SP100: variants seen among roughly 807,000 people sequenced by gnomAD.
The protein encoded by SP100 is SP100 nuclear body protein.
SP100 carries 84 observed loss-of-function variants against 130.0 expected under a neutral mutation model. The ratio of observed to expected loss-of-function variants is 0.65; its 90% CI spans 0.54 to 0.77. The LOEUF is 0.77. Among genes scored for constraint, SP100 ranks in the 30% least tolerant of loss-of-function variants. SP100 has a pLI of 0.00. For synonymous variants in SP100, 331 were observed against 351.7 expected (o/e 0.94, Z 0.66); for missense variants, 978 against 1,052.2 (o/e 0.93, Z 0.97).
At chr2:230,504,899 G>T (rs894351825) in intron 21 of SP100, among the ~76,000 whole-genome samples, 1 of 152,088 alleles carries the variant, frequency 6.6e-6, no homozygotes, top group Non-Finnish European at 1.5e-5. Flanking sequence ...CTTTGGATAG[G>T]CTATCTCAAA....
At chr2:230,496,713 A>T (rs774981286) in intron 18 of SP100, among the ~76,000 whole-genome samples, 2 of 152,088 alleles carry the variant, frequency 1.3e-5, no homozygotes, top group African/African-American at 4.8e-5. Flanking sequence ...AGTTCCCCTA[A>T]TTCAGGAACT....
At chr2:230,425,794 G>A (rs1485997392) in intron 2 of SP100, among the ~76,000 whole-genome samples, 1 of 145,266 alleles carries the variant, frequency 6.9e-6, no homozygotes, top group East Asian at 1.9e-4. Flanking sequence ...ACTGTTCCTT[G>A]CTCTTAATTT....
At chr2:230,531,136 A>G (rs1335321283) in intron 24 of SP100, among the ~76,000 whole-genome samples, 1 of 152,234 alleles carries the variant, frequency 6.6e-6, no homozygotes, top group Non-Finnish European at 1.5e-5. Context: ...TTACTGCAAC[A>G]CTATTCACAA....
chr2:230,466,992 G>A (rs539948304), intron 12 of SP100, 128 bp from the exon 13 acceptor site: 19 of 649,254 alleles, frequency 2.9e-5, no homozygotes, highest in Middle Eastern at 4.0e-4. Context: ...TTTGAGGCAC[G>A]GACATTCTTG....
intron 2 of SP100, among the ~76,000 whole-genome samples, chr2:230,418,068 C>T (rs2062663278): frequency 6.6e-6 from 1 of 152,174 alleles, no homozygotes; most frequent in Non-Finnish European, 1.5e-5. Context: ...TTCGCTGCTA[C>T]CGCTATTCCA....
At chr2:230,517,335 CA>C (rs915729292) in intron 24 of SP100, among the ~76,000 whole-genome samples, 2 of 151,930 alleles carry the variant, frequency 1.3e-5, no homozygotes, top group African/African-American at 4.8e-5. Flanking sequence ...TTCATTTAAC[CA>C]GAGTTATAAT....
At chr2:230,449,749 AG>A in intron 7 of SP100, 39 bp downstream of exon 7, 1 of 1,610,824 alleles carries the variant, frequency 6.2e-7, no homozygotes, top group South Asian at 1.1e-5. Context: ...GGAGGAGCCA[AG>A]GGGCCCTGGC....
At chr2:230,525,468 C>G (rs1691377415) in intron 24 of SP100, among the ~76,000 whole-genome samples, 1 of 152,092 alleles carries the variant, frequency 6.6e-6, no homozygotes, top group South Asian at 2.1e-4. Flanking sequence ...ACAGGAAGAG[C>G]TCCGGTCTGC....
In SP100 at chr2:230,467,981, A is replaced by G. The variant is rs572897209; in HGVS notation, c.1291+766A>G. 2.4e-4 allele frequency among the ~76,000 whole-genome samples: 37 copies of G among 152,342 alleles called. 1 individual carries two copies. The South Asian group carries it at 7.5e-3, about 31-fold the overall frequency. ...CTCCTGTTTCTTACCATCAGATTCAATTCATAGCTTTTGACAGATGGCCCC... is the reference window on the plus strand; with the variant it reads ...CTCCTGTTTCTTACCATCAGATTCAGTTCATAGCTTTTGACAGATGGCCCC... On this transcript the variant is annotated intron_variant, in intron 13 of 28. Transcript: ENST00000340126.
chr2:230,504,283 C>T lies in SP100; in HGVS notation c.1863C>T (p.Phe621=), dbSNP rs1373900403. 1 of 1,585,558 alleles carries T rather than the reference C, an allele frequency of 6.3e-7. No individual in the cohort carries two copies. Among genetic ancestry groups the T allele is most frequent in the African/African-American group, 1.3e-5 (1 of 74,266 alleles). The stretch of plus-strand genomic sequence containing the variant: ...AGGGCACTCTATATAAGGAGCGATT[C>T]AAACAAGGTGAGTTTACTGGTCCAT... The part of the protein sequence containing the change: ...EVKGTLYKER[F]KQGTSKKCIQ... Residue 621 remains phenylalanine (F), a synonymous_variant, in exon 21 of 29, where the codon TTC becomes TTT. Transcript: ENST00000340126.
intron 2 of SP100, among the ~76,000 whole-genome samples, chr2:230,423,379 GT>G (rs893775929): frequency 1.3e-5 from 2 of 151,902 alleles, no homozygotes; most frequent in African/African-American, 4.8e-5. Context: ...GTTTATTATT[GT>G]TTTTTCCTTT....
At chr2:230,429,524 A>C (rs1053657748) in intron 2 of SP100, among the ~76,000 whole-genome samples, 2 of 152,146 alleles carry the variant, frequency 1.3e-5, no homozygotes, top group African/African-American at 4.8e-5. Context: ...TCCAGCCATT[A>C]CTTCTCTAAA....
chr2:230,446,854 GAAGAA>G lies in SP100; in HGVS notation c.476_480del (p.Glu159GlyfsTer13). 8 of 1,612,212 alleles carry G rather than the reference GAAGAA, an allele frequency of 5.0e-6. No homozygotes were observed. Among genetic ancestry groups the G allele is most frequent in the Non-Finnish European group, 6.8e-6 (8 of 1,178,536 alleles). On this transcript the variant is annotated frameshift_variant, in exon 5 of 29. Transcript: ENST00000340126. LOFTEE classifies it high-confidence loss of function. ...CAAATTGCCTCTCCAAGAAAGTGAAGAAGAAGAGAGGGAGGAGAGGTCTGGCCTCC... is the reference window on the plus strand; with the variant it reads ...CAAATTGCCTCTCCAAGAAAGTGAAGGAGAGGGAGGAGAGGTCTGGCCTCC...
At chr2:230,464,754 T>C (rs1233211853) in intron 11 of SP100, among the ~76,000 whole-genome samples, 1 of 152,196 alleles carries the variant, frequency 6.6e-6, no homozygotes, top group Non-Finnish European at 1.5e-5. Context: ...GGTAACTAGT[T>C]TATCCCTGCT....
intron 2 of SP100, among the ~76,000 whole-genome samples, chr2:230,419,513 T>G (rs909576409): frequency 3.3e-5 from 5 of 152,178 alleles, no homozygotes; most frequent in African/African-American, 1.2e-4. Flanking sequence ...TGCTGGCAAT[T>G]CAGATATGCC....
chr2:230,503,534 C>T (rs2067152313), intron 20 of SP100, among the ~76,000 whole-genome samples: 1 of 152,150 alleles, frequency 6.6e-6, no homozygotes, highest in Non-Finnish European at 1.5e-5. Flanking sequence ...TTCATGTTAA[C>T]TATAATCACC....
At chr2:230,493,492 C>G (rs2150043628) in intron 17 of SP100, among the ~76,000 whole-genome samples, 1 of 152,330 alleles carries the variant, frequency 6.6e-6, no homozygotes, top group Middle Eastern at 3.4e-3. Flanking sequence ...GCTAAGATTA[C>G]AGGGGTGAGC....
intron 21 of SP100, among the ~76,000 whole-genome samples, chr2:230,505,374 T>A (rs1690005651): frequency 6.6e-6 from 1 of 152,170 alleles, no homozygotes; most frequent in Non-Finnish European, 1.5e-5. Context: ...CACGCCCCAT[T>A]TCCCATAACA....
chr2:230,416,753 A>G (rs2062610120), intron 1 of SP100: 9 of 988,584 alleles, frequency 9.1e-6, no homozygotes, highest in Non-Finnish European at 1.1e-5. Context: ...ACTTTTAAAC[A>G]TCAGACGCTG....
Sources: allele counts gnomAD v4.1 joint callset (sites outside exome capture counted in the v4.1 genomes callset), GRCh38; gene constraint gnomAD v4.1.1; transcripts MANE v1.5; gene names NCBI Gene and HGNC (gene_info 2026-07-23, HGNC 2026-07-21).